Variants in TRPM3 observed in about 807,000 individuals in gnomAD.
TRPM3 encodes long transient receptor potential channel 3.
A neutral mutation model predicts 181.2 loss-of-function variants in TRPM3; 77 were observed. The observed-to-expected ratio is 0.42, with a 90% CI of 0.35 to 0.51. The LOEUF is 0.51. TRPM3 is among the 20% of genes least tolerant of loss of function. The pLI is 0.01. For synonymous variants in TRPM3, 745 were observed against 796.4 expected, an observed-to-expected ratio of 0.94 and a Z score of 1.09; for missense variants, 1,759 against 2,196.7, an observed-to-expected ratio of 0.80 and a Z score of 3.98.
At chr9:71,298,679 G>T (rs1038952349) in intron 1 of TRPM3, among the ~76,000 whole-genome samples, 20 of 152,010 alleles carry the variant, frequency 1.3e-4, no homozygotes, top group African/African-American at 4.4e-4. Context: ...AGAGCAAACT[G>T]CAGGTAGCAA....
chr9:70,565,705 T>G (rs1201338109), intron 22 of TRPM3, among the ~76,000 whole-genome samples: 1 of 152,206 alleles, frequency 6.6e-6, no homozygotes, highest in Non-Finnish European at 1.5e-5. Context: ...TGTTCATCAT[T>G]TTTTAAATTA....
At chr9:70,899,569 C>T (rs2096351872) in intron 1 of TRPM3, among the ~76,000 whole-genome samples, 1 of 151,978 alleles carries the variant, frequency 6.6e-6, no homozygotes, top group Non-Finnish European at 1.5e-5. Context: ...CTTTTTGTTC[C>T]TTCCCTTGAC....
At chr9:71,218,342 C>G (rs1395111413) in intron 1 of TRPM3, among the ~76,000 whole-genome samples, 5 of 152,160 alleles carry the variant, frequency 3.3e-5, no homozygotes, top group Non-Finnish European at 7.4e-5. Flanking sequence ...TTCATTTAAT[C>G]ATAACAATAG....
intron 6 of TRPM3, among the ~76,000 whole-genome samples, chr9:70,792,970 TA>T (rs1015300743): frequency 6.6e-6 from 1 of 152,190 alleles, no homozygotes; most frequent in African/African-American, 2.4e-5. Context: ...GGCTTACTAA[TA>T]AAAATGGAAT....
At chr9:71,195,579 C>A (rs2078299184) in intron 1 of TRPM3, among the ~76,000 whole-genome samples, 1 of 152,040 alleles carries the variant, frequency 6.6e-6, no homozygotes, top group African/African-American at 2.4e-5. Context: ...AATAGAACTA[C>A]CATTCAACCC....
intron 1 of TRPM3, among the ~76,000 whole-genome samples, chr9:71,382,227 A>G (rs1025229628): frequency 1.3e-5 from 2 of 152,152 alleles, no homozygotes; most frequent in East Asian, 1.9e-4. Context: ...CTTTTAAAAC[A>G]GCTACATCTC....
intron 1 of TRPM3, among the ~76,000 whole-genome samples, chr9:70,918,261 T>C (rs187477913): frequency 6.6e-6 from 1 of 152,310 alleles, no homozygotes; most frequent in Admixed American, 6.5e-5. Flanking sequence ...TTCTGCACTA[T>C]AGACCAAATA....
intron 1 of TRPM3, among the ~76,000 whole-genome samples, chr9:70,879,316 C>T (rs1268018286): frequency 6.6e-6 from 1 of 152,110 alleles, no homozygotes; most frequent in African/African-American, 2.4e-5. Flanking sequence ...TAAATGATTA[C>T]TGTTGCATTT....
intron 1 of TRPM3, among the ~76,000 whole-genome samples, chr9:71,412,963 C>T (rs373892734): frequency 6.6e-6 from 1 of 152,232 alleles, no homozygotes; most frequent in East Asian, 1.9e-4. Context: ...ATGGATGAAG[C>T]TGGAAACCAT....
At chr9:70,930,915 A>G (rs2096769865) in intron 1 of TRPM3, among the ~76,000 whole-genome samples, 1 of 152,142 alleles carries the variant, frequency 6.6e-6, no homozygotes, top group South Asian at 2.1e-4. Context: ...ACATTTATCA[A>G]ATGTAATAAT....
At chr9:71,217,202 G>T (rs1051814303) in intron 1 of TRPM3, among the ~76,000 whole-genome samples, 8 of 151,384 alleles carry the variant, frequency 5.3e-5, no homozygotes, top group African/African-American at 1.9e-4. Flanking sequence ...CGCCCGCCTC[G>T]GCCTCCCAAA....
chr9:71,133,119 A>G (rs886699753), intron 1 of TRPM3, among the ~76,000 whole-genome samples: 10 of 152,098 alleles, frequency 6.6e-5, no homozygotes, highest in Non-Finnish European at 5.9e-5. Flanking sequence ...TGCCCCTCAG[A>G]AAAGTATAAG....
At chr9:71,232,306 A>G (rs2081100583) in intron 1 of TRPM3, among the ~76,000 whole-genome samples, 1 of 152,088 alleles carries the variant, frequency 6.6e-6, no homozygotes, top group Non-Finnish European at 1.5e-5. Flanking sequence ...CCAAGGCCAC[A>G]CTATTAATTA....
intron 1 of TRPM3, among the ~76,000 whole-genome samples, chr9:71,050,763 G>C (rs2059980949): frequency 6.6e-6 from 1 of 152,000 alleles, no homozygotes; most frequent in South Asian, 2.1e-4. Context: ...ACGGAATGCA[G>C]GTCATCTACA....
chr9:71,073,287 G>C (rs1454103858), intron 1 of TRPM3, among the ~76,000 whole-genome samples: 2 of 152,144 alleles, frequency 1.3e-5, no homozygotes, highest in African/African-American at 4.8e-5. Context: ...CAGGCTTAAT[G>C]CAAGACCCTA....
chr9:71,273,288 C>A (rs746737002), intron 1 of TRPM3, among the ~76,000 whole-genome samples: 4 of 152,138 alleles, frequency 2.6e-5, no homozygotes, highest in Non-Finnish European at 4.4e-5. Context: ...TGGTTCCATG[C>A]ATACAGTTCT....
intron 1 of TRPM3, among the ~76,000 whole-genome samples, chr9:70,873,203 C>T (rs532667694): frequency 5.3e-5 from 8 of 152,076 alleles, no homozygotes; most frequent in Admixed American, 1.3e-4. Flanking sequence ...AGGCTCCTTG[C>T]TTTTATTCCA....
chr9:71,267,681 T>G (rs1269828100), intron 1 of TRPM3, among the ~76,000 whole-genome samples: 4 of 152,220 alleles, frequency 2.6e-5, no homozygotes, highest in Admixed American at 2.6e-4. Context: ...ACTCTTTTTG[T>G]GTGATTATTA....
chr9:70,639,800 T>C (rs1245345204), intron 10 of TRPM3, among the ~76,000 whole-genome samples: 1 of 152,238 alleles, frequency 6.6e-6, no homozygotes, highest in African/African-American at 2.4e-5. Context: ...TTGCAGGGTC[T>C]AGACTCTGAC....
Sources: allele counts gnomAD v4.1 joint callset (sites outside exome capture counted in the v4.1 genomes callset), GRCh38; gene constraint gnomAD v4.1.1; transcripts MANE v1.5; gene names NCBI Gene and HGNC (gene_info 2026-07-23, HGNC 2026-07-21).